PYCR1: variants seen among roughly 807,000 people sequenced by gnomAD.
PYCR1 encodes pyrroline-5-carboxylate reductase 1, mitochondrial.
Under a neutral mutation model 22.9 loss-of-function variants are expected in PYCR1, and 19 were observed. The ratio of observed to expected loss-of-function variants is 0.83; its 90% CI spans 0.58 to 1.22. PYCR1 has a LOEUF of 1.22. PYCR1 is among the 50% of genes most tolerant of loss of function. PYCR1 has a pLI of 0.00. For missense variants in PYCR1, 429 were observed against 431.3 expected (o/e 0.99, Z 0.05); for synonymous variants, 175 against 180.5 (o/e 0.97, Z 0.24).
intron 5 of PYCR1, 24 bp from the exon 6 acceptor site, chr17:81,934,513 G>T: frequency 1.9e-6 from 3 of 1,581,702 alleles, no homozygotes; most frequent in Non-Finnish European, 1.7e-6. Context: ...AAAGGCTGAC[G>T]GCTGTGGGCA....
In PYCR1 at chr17:81,936,865, C is replaced by T; in HGVS notation, c.-51G>A. ...GCCCCCACAGATGGCACCGGCTCTG[C>T]GGGACGAGACCGGCAGGATCGAGAG... On this transcript the variant is annotated 5_prime_UTR_variant, in exon 1 of 7. Transcript: ENST00000329875. 2 of 1,577,934 alleles carry T rather than the reference C, an allele frequency of 1.3e-6. No homozygotes were observed. The highest frequency in any genetic ancestry group is 8.6e-7 in the Non-Finnish European group (1 of 1,163,364).
At chr17:81,935,288 C>G (rs766201713) in intron 3 of PYCR1, 49 bp downstream of exon 3, 1 of 1,604,696 alleles carries the variant, frequency 6.2e-7, no homozygotes, top group Admixed American at 1.7e-5. Context: ...ACTGAGGGCC[C>G]GGGCTCTAGA....
chr17:81,934,953 C>T lies in PYCR1; in HGVS notation c.513G>A (p.Thr171=), dbSNP rs375473975. 58 of 1,609,362 alleles carry T rather than the reference C, an allele frequency of 3.6e-5. No individual in the cohort carries two copies. The African/African-American group carries it at 3.6e-4, about 10-fold the overall frequency. ...EVEEDLIDAV[T]GLSGSGPAYA... is the part of the protein sequence containing the mutation. ...AGGCGGGGCCGCTGCCACTGAGCCC[C>T]GTGACGGCATCAATCAGGTCCTCTT... The change falls in exon 4 of 7, where the codon ACG becomes ACA. Residue 171 remains threonine (T), a synonymous_variant. Coordinates refer to ENST00000329875, the MANE Select transcript of PYCR1 (RefSeq NM_006907.4).
At chr17:81,934,006 C>T (rs2041075356) in intron 6 of PYCR1, among the ~76,000 whole-genome samples, 2 of 152,214 alleles carry the variant, frequency 1.3e-5, no homozygotes, top group African/African-American at 2.4e-5. Context: ...CCTAATGTGG[C>T]TGGCCACCCC....
intron 6 of PYCR1, 38 bp downstream of exon 6, chr17:81,934,288 G>C: frequency 6.2e-7 from 1 of 1,610,820 alleles, no homozygotes; most frequent in Non-Finnish European, 8.5e-7. Context: ...GCCATGCAAG[G>C]ACTGGAGACC....
chr17:81,935,185 G>T (rs1014722969), intron 3 of PYCR1, 38 bp from the exon 4 acceptor site: 1 of 1,578,432 alleles, frequency 6.3e-7, no homozygotes, highest in Non-Finnish European at 8.6e-7. Context: ...GGCCATGGAC[G>T]CAGTGCCTAG....
chr17:81,933,274 C>T lies in PYCR1; in HGVS notation c.900G>A (p.Leu300=), dbSNP rs140898502. The change falls in exon 7 of 7, where the codon CTG becomes CTA. Residue 300 remains leucine, a synonymous_variant. Transcript: ENST00000329875. The part of the protein sequence containing the change: ...VKLDSPAGTA[L]SPSGHTKLLP... ...GCAGCTTGGTGTGGCCAGAAGGTGA[C>T]AGAGCGGTCCCTGCAGGGGAGTCCA... 166 of 1,614,042 alleles carry T rather than the reference C, an allele frequency of 1.0e-4. No individual in the cohort carries two copies. The African/African-American group carries it at 1.7e-3, about 16-fold the overall frequency.
rs113083225 is a variant in PYCR1 at position 81,933,146 on chromosome 17, G to A, written c.*68C>T. On this transcript the variant is annotated 3_prime_UTR_variant, in exon 7 of 7. Transcript: ENST00000329875. Reference sequence around the variant, plus strand: ...GCCACAGAAAGTGGGCCACTTTGGGGACCCCCTAGTCCCCCTAGTGACAAG... The same window carrying A: ...GCCACAGAAAGTGGGCCACTTTGGGAACCCCCTAGTCCCCCTAGTGACAAG... 1.4e-3 allele frequency: 2,303 copies of A among 1,608,588 alleles called. 28 individuals are homozygous for A. The African/African-American group carries it at 0.026, about 18-fold the overall frequency.
intron 6 of PYCR1, 142 bp downstream of exon 6, chr17:81,934,184 T>C (rs772463607): frequency 7.7e-7 from 1 of 1,303,488 alleles, no homozygotes; most frequent in South Asian, 1.3e-5. Context: ...CCAGGGAACC[T>C]CGGGGCCCCC....
At chr17:81,935,646 C>T (rs926843253) in intron 2 of PYCR1, 130 bp from the exon 3 acceptor site, 3 of 839,792 alleles carry the variant, frequency 3.6e-6, no homozygotes, top group African/African-American at 3.4e-5. Context: ...GGGCTCAGGG[C>T]TCTGACCACC....
Position 81,932,990 on chromosome 17 carries a change from A to C in PYCR1, c.*224T>G. The C allele has an allele frequency of 6.2e-7, 1 of 1,603,362 alleles. No individual in the cohort carries two copies. ...TGACATGGTTTGGGAGCAGAGAAGA[A>C]AGGAGGTTGAGGTTGGGGAATCCAC... On this transcript the variant is annotated 3_prime_UTR_variant, in exon 7 of 7. Coordinates refer to ENST00000329875, the MANE Select transcript of PYCR1 (RefSeq NM_006907.4).
intron 2 of PYCR1, 126 bp downstream of exon 2, chr17:81,935,997 G>T: frequency 2.0e-6 from 2 of 1,000,424 alleles, no homozygotes; most frequent in South Asian, 2.6e-5. Context: ...CGAGGAGGTG[G>T]GGTCCATGAG....
At chr17:81,933,769 C>T (rs2041064484) in intron 6 of PYCR1, among the ~76,000 whole-genome samples, 1 of 152,218 alleles carries the variant, frequency 6.6e-6, no homozygotes, top group Admixed American at 6.5e-5. Flanking sequence ...AGAAAGACGT[C>T]CTCACCCACC....
intron 2 of PYCR1, among the ~76,000 whole-genome samples, chr17:81,935,727 A>G (rs1477230469): frequency 6.6e-6 from 1 of 152,188 alleles, no homozygotes; most frequent in Non-Finnish European, 1.5e-5. Flanking sequence ...CTGCAGACAG[A>G]AAAGGACCCT....
chr17:81,936,716 T>A (rs920343814), intron 1 of PYCR1, 32 bp downstream of exon 1: 1 of 1,580,734 alleles, frequency 6.3e-7, no homozygotes, highest in African/African-American at 1.3e-5. Context: ...TCTCTCCCAC[T>A]GGGCCTCACC....
In PYCR1 at chr17:81,936,860, C is replaced by G; in HGVS notation, c.-46G>C. 6.3e-7 allele frequency: 1 copy of G among 1,582,158 alleles called. No individual in the cohort carries two copies. Among genetic ancestry groups the G allele is most frequent in the Non-Finnish European group, 8.6e-7 (1 of 1,165,624 alleles). ...CCAAAGCCCCCACAGATGGCACCGGCTCTGCGGGACGAGACCGGCAGGATC... is the reference window on the plus strand; with the variant it reads ...CCAAAGCCCCCACAGATGGCACCGGGTCTGCGGGACGAGACCGGCAGGATC... On this transcript the variant is annotated 5_prime_UTR_variant, in exon 1 of 7. Coordinates refer to ENST00000329875, the MANE Select transcript of PYCR1 (RefSeq NM_006907.4).
At position 81,935,129 on chromosome 17, in the gene PYCR1, G is replaced by T; in HGVS notation, c.337C>A (p.Pro113Thr). The T allele has an allele frequency of 6.2e-7, 1 of 1,608,182 alleles. No homozygotes were observed. ...SIEKKLSAFR[P>T]APRVIRCMTN... ...ATGCAGCGGATGACCCTGGGGGCTG[G>T]CCGAAACGCTGACAGCTTCTGGAAG... The change falls in exon 4 of 7, where the codon CCA becomes ACA. Residue 113 changes from proline (P) to threonine (T), a missense_variant. Transcript: ENST00000329875.
chr17:81,935,821 A>C (rs1020682904), intron 2 of PYCR1, among the ~76,000 whole-genome samples: 2 of 152,210 alleles, frequency 1.3e-5, no homozygotes, highest in Non-Finnish European at 2.9e-5. Flanking sequence ...GGTCTCAAGC[A>C]GCCCCCAGGT....
rs2041022451 is a variant in PYCR1 at position 81,932,784 on chromosome 17, G to GGTTTC, written c.*425_*429dup. 3.4e-6 allele frequency: 5 copies of GGTTTC among 1,481,092 alleles called. No homozygotes were observed. In the East Asian group the frequency reaches 1.2e-4, roughly 36 times the overall value. The allele number at this position is 1,481,092 out of a possible 1,614,324, so 91.7% of individuals were successfully genotyped here. ...TGGCCCTTCTCACACGGGAAGGAGA[G>GGTTTC]GTTTCTCCCTGAATGGAGGGCAGGG... is the stretch of plus-strand genomic sequence containing the variant. On this transcript the variant is annotated 3_prime_UTR_variant, in exon 7 of 7. Coordinates refer to ENST00000329875, the MANE Select transcript of PYCR1 (RefSeq NM_006907.4).
Sources: allele counts gnomAD v4.1 joint callset (sites outside exome capture counted in the v4.1 genomes callset), GRCh38; gene constraint gnomAD v4.1.1; transcripts MANE v1.5; gene names NCBI Gene and HGNC (gene_info 2026-07-23, HGNC 2026-07-21).